GALNT13: variants seen among roughly 807,000 people sequenced by gnomAD.
The protein encoded by GALNT13 is polypeptide N-acetylgalactosaminyltransferase 13, also known as UDP-GalNAc:polypeptide N-acetylgalactosaminyltransferase 13.
A neutral mutation model predicts 64.2 loss-of-function variants in GALNT13; 28 were observed. The observed-to-expected ratio is 0.44, with a 90% confidence interval of 0.32 to 0.60. The LOEUF (loss-of-function observed/expected upper bound fraction) is 0.60, where lower values mean the gene tolerates loss of function less well. Among genes scored for constraint, GALNT13 ranks in the 20% least tolerant of loss-of-function variants. GALNT13 has a pLI of 0.05. For synonymous variants in GALNT13, 214 were observed against 224.6 expected (o/e 0.95, Z 0.42); for missense variants, 577 against 669.8 (o/e 0.86, Z 1.53).
chr2:153,216,293 A>T, the GALNT13 span, among the ~76,000 whole-genome samples: 46,010 of 151,872 alleles, frequency 0.3, 7,130 homozygotes, highest in Middle Eastern at 0.43. Flanking sequence ...TTTTGTGAGA[A>T]CATAAGTTTT....
At chr2:154,449,013 ATTG>A (rs2105504233) in intron 12 of GALNT13, among the ~76,000 whole-genome samples, 1 of 152,016 alleles carries the variant, frequency 6.6e-6, no homozygotes, top group African/African-American at 2.4e-5. Flanking sequence ...AAAAATACAT[ATTG>A]TTTTTGTTAT....
At position 154,403,814 on chromosome 2, in the gene GALNT13, G is replaced by T. The variant is rs1443261200; in HGVS notation, c.1297-5170G>T. ...ACTGAGTCCTCCCTTGCTCCTTCCA[G>T]GCCTCCGTTCTAACAAACACTGCCT... is the stretch of plus-strand genomic sequence containing the variant. On this transcript the variant is annotated intron_variant, in intron 10 of 12. Coordinates refer to ENST00000392825, the MANE Select transcript of GALNT13 (RefSeq NM_052917.4). Among the ~76,000 whole-genome samples, 3 of 152,094 alleles carry T rather than the reference G, an allele frequency of 2.0e-5. 1 individual carries two copies. The highest frequency in any genetic ancestry group is 7.2e-5 in the African/African-American group (3 of 41,424).
At chr2:153,459,818 T>C in the GALNT13 span, among the ~76,000 whole-genome samples, 1 of 152,108 alleles carries the variant, frequency 6.6e-6, no homozygotes, top group Non-Finnish European at 1.5e-5. Flanking sequence ...TAAAACTAGA[T>C]ACCACTAAAG....
At chr2:153,837,987 G>A in the GALNT13 span, among the ~76,000 whole-genome samples, 11 of 151,864 alleles carry the variant, frequency 7.2e-5, no homozygotes, top group Middle Eastern at 6.8e-3. Flanking sequence ...GTGACATCTC[G>A]TTGTTTTGAT....
At chr2:154,000,237 TGTATCTGTTC>T (rs2105217948) in intron 3 of GALNT13, among the ~76,000 whole-genome samples, 1 of 151,522 alleles carries the variant, frequency 6.6e-6, no homozygotes, top group East Asian at 1.9e-4. Flanking sequence ...TAGCTAAAAT[TGTATCTGTTC>T]GTATTTTCAA....
the GALNT13 span, among the ~76,000 whole-genome samples, chr2:153,186,355 A>C: frequency 4.0e-5 from 6 of 151,858 alleles, no homozygotes; most frequent in African/African-American, 1.5e-4. Context: ...GTCTTTACCC[A>C]TGAAATAGGT....
At chr2:153,897,341 C>T (rs915950341) in intron 1 of GALNT13, among the ~76,000 whole-genome samples, 3 of 152,086 alleles carry the variant, frequency 2.0e-5, no homozygotes, top group Non-Finnish European at 4.4e-5. Context: ...AGATATGGAG[C>T]GCAATATTCT....
chr2:153,288,809 C>A, the GALNT13 span, among the ~76,000 whole-genome samples: 1 of 152,100 alleles, frequency 6.6e-6, no homozygotes, highest in African/African-American at 2.4e-5. Context: ...GTACTGTCTG[C>A]GGTTTCAGGC....
At chr2:154,094,900 A>G (rs1465822193) in intron 3 of GALNT13, among the ~76,000 whole-genome samples, 1 of 151,948 alleles carries the variant, frequency 6.6e-6, no homozygotes, top group East Asian at 1.9e-4. Flanking sequence ...TTAATTTTTG[A>G]ACATAAATAA....
chr2:154,231,449 T>C (rs1688909705), intron 4 of GALNT13, among the ~76,000 whole-genome samples: 1 of 152,052 alleles, frequency 6.6e-6, no homozygotes, highest in Non-Finnish European at 1.5e-5. Flanking sequence ...TTTTGTTTTG[T>C]TTTGTTTTTA....
the GALNT13 span, among the ~76,000 whole-genome samples, chr2:153,155,852 T>A: frequency 1.3e-5 from 2 of 152,186 alleles, no homozygotes; most frequent in African/African-American, 4.8e-5. Flanking sequence ...TTTTTCTAAC[T>A]TTTTGATGTG....
At chr2:153,155,866 A>G in the GALNT13 span, among the ~76,000 whole-genome samples, 3 of 152,186 alleles carry the variant, frequency 2.0e-5, no homozygotes, top group Non-Finnish European at 4.4e-5. Flanking sequence ...TGATGTGGGC[A>G]TTTAATGCTA....
chr2:154,092,704 A>G (rs1201294465), intron 3 of GALNT13, among the ~76,000 whole-genome samples: 1 of 152,082 alleles, frequency 6.6e-6, no homozygotes, highest in Non-Finnish European at 1.5e-5. Flanking sequence ...ATTTACAGAG[A>G]AACATCATTT....
the GALNT13 span, among the ~76,000 whole-genome samples, chr2:153,073,022 T>TA: frequency 1.3e-5 from 2 of 152,220 alleles, no homozygotes; most frequent in Admixed American, 1.3e-4. Context: ...GTCTAGCACT[T>TA]ATATTCGAGG....
At chr2:153,822,288 A>C in the GALNT13 span, among the ~76,000 whole-genome samples, 1 of 152,000 alleles carries the variant, frequency 6.6e-6, no homozygotes, top group Non-Finnish European at 1.5e-5. Flanking sequence ...CAATAGAAAA[A>C]AACAGGCAAA....
At chr2:154,185,814 G>A (rs989942614) in intron 4 of GALNT13, among the ~76,000 whole-genome samples, 1 of 151,888 alleles carries the variant, frequency 6.6e-6, no homozygotes, top group Non-Finnish European at 1.5e-5. Flanking sequence ...TACCTACAAT[G>A]AAGAATCTGA....
chr2:153,303,255 A>G, the GALNT13 span, among the ~76,000 whole-genome samples: 4,839 of 151,714 alleles, frequency 0.032, 271 homozygotes, highest in African/African-American at 0.11. Flanking sequence ...CAGGTCTTTC[A>G]CCTCCTTGGT....
At chr2:153,692,661 C>T in the GALNT13 span, among the ~76,000 whole-genome samples, 2 of 152,192 alleles carry the variant, frequency 1.3e-5, no homozygotes, top group Admixed American at 1.3e-4. Context: ...GATTTGCTTT[C>T]ATCTAGCAGT....
chr2:153,559,723 A>G, the GALNT13 span, among the ~76,000 whole-genome samples: 26 of 152,142 alleles, frequency 1.7e-4, no homozygotes, highest in East Asian at 1.7e-3. Flanking sequence ...TATTATCCCT[A>G]TCTGTTATTT....
Sources: allele counts gnomAD v4.1 joint callset (sites outside exome capture counted in the v4.1 genomes callset), GRCh38; gene constraint gnomAD v4.1.1; transcripts MANE v1.5; gene names NCBI Gene and HGNC (gene_info 2026-07-23, HGNC 2026-07-21).